Variants in NELL1 observed in about 807,000 individuals in gnomAD.
NELL1 encodes neural EGFL like 1.
NELL1 carries 76 observed loss-of-function variants against 107.4 expected under a neutral mutation model. The ratio of observed to expected loss-of-function variants is 0.71; its 90% CI spans 0.59 to 0.86. The LOEUF is 0.86. Among genes scored for constraint, NELL1 ranks in the 40% least tolerant of loss-of-function variants. The probability of loss-of-function intolerance (pLI) is 0.00; values close to 1 mark genes in which losing one functional copy is unlikely to be tolerated. For missense variants in NELL1, 1,024 were observed against 1,005.5 expected, an observed-to-expected ratio of 1.02 and a Z score of -0.25; for synonymous variants, 353 against 341.2, an observed-to-expected ratio of 1.03 and a Z score of -0.38.
intron 13 of NELL1, among the ~76,000 whole-genome samples, chr11:21,118,544 A>G (rs4922753): frequency 0.71 from 107,605 of 151,958 alleles, 38,295 homozygotes; most frequent in African/African-American, 0.75. Flanking sequence ...CTGTGTAATA[A>G]ATGAGGTGTA....
intron 5 of NELL1, among the ~76,000 whole-genome samples, chr11:20,892,460 T>C (rs776286052): frequency 2.6e-5 from 4 of 152,074 alleles, no homozygotes; most frequent in Non-Finnish European, 5.9e-5. Flanking sequence ...TGTGGAGAAA[T>C]AGGAATCCTT....
At chr11:20,937,953 C>CCTATCCAGGCCAATA in intron 10 of NELL1, 94 bp downstream of exon 10, 3 of 1,184,970 alleles carry the variant, frequency 2.5e-6, no homozygotes, top group Non-Finnish European at 3.8e-6. Flanking sequence ...GCATATTGGC[C>CCTATCCAGGCCAATA]TGGATAGGGC....
In NELL1 at chr11:21,385,035, G is replaced by A. The variant is rs981480381; in HGVS notation, c.1645+14087G>A. 7.3e-5 allele frequency among the ~76,000 whole-genome samples: 11 copies of A among 151,268 alleles called. No homozygotes were observed. In the East Asian group the frequency reaches 7.8e-4, roughly 11 times the overall value. The stretch of plus-strand genomic sequence containing the variant: ...TCTTCCCTCAGATATTTTCACTGTC[G>A]CCTCCCTCCTATGAAAAACGTTTCT... On this transcript the variant is annotated intron_variant, in intron 15 of 19. Transcript: ENST00000357134.
At chr11:20,869,866 T>C (rs1849163892) in intron 4 of NELL1, among the ~76,000 whole-genome samples, 2 of 152,178 alleles carry the variant, frequency 1.3e-5, no homozygotes, top group Non-Finnish European at 2.9e-5. Flanking sequence ...CATACTTTTG[T>C]GTTAGTTAGG....
intron 13 of NELL1, among the ~76,000 whole-genome samples, chr11:21,205,598 C>T (rs983417306): frequency 6.6e-6 from 1 of 152,210 alleles, no homozygotes; most frequent in African/African-American, 2.4e-5. Flanking sequence ...TCCCTGGCTT[C>T]AGCCCCCTTT....
Position 21,427,801 on chromosome 11 carries a change from G to T in NELL1, c.1645+56853G>T, listed in dbSNP as rs76806941. On this transcript the variant is annotated intron_variant, in intron 15 of 19. Coordinates refer to ENST00000357134, the MANE Select transcript of NELL1 (RefSeq NM_006157.5). ...GAAACCCAAGAAGTAAAATAGGTCA[G>T]TTTCTGACTACTGATCTCAGCCACT... is the stretch of plus-strand genomic sequence containing the variant. 0.018 allele frequency among the ~76,000 whole-genome samples: 2,813 copies of T among 152,106 alleles called. 250 individuals are homozygous for T. The East Asian group carries it at 0.27, about 15-fold the overall frequency.
chr11:21,069,998 A>G (rs561441439), intron 12 of NELL1, among the ~76,000 whole-genome samples: 17 of 152,356 alleles, frequency 1.1e-4, no homozygotes, highest in African/African-American at 3.8e-4. Context: ...ACGCTCATAG[A>G]TAATAATGAT....
chr11:21,034,125 G>T (rs1028223194), intron 12 of NELL1, among the ~76,000 whole-genome samples: 2 of 151,964 alleles, frequency 1.3e-5, no homozygotes, highest in Admixed American at 1.3e-4. Flanking sequence ...GTTGCCTTGC[G>T]GGTTTTTATA....
At chr11:21,436,627 A>C (rs75273874) in intron 15 of NELL1, among the ~76,000 whole-genome samples, 2,431 of 152,150 alleles carry the variant, frequency 0.016, 65 homozygotes, top group African/African-American at 0.055. Context: ...TTAAGTATCT[A>C]TTTAGTTTAT....
chr11:21,440,621 T>C (rs1853258606), intron 15 of NELL1, among the ~76,000 whole-genome samples: 1 of 152,200 alleles, frequency 6.6e-6, no homozygotes, highest in African/African-American at 2.4e-5. Flanking sequence ...TACTACCTAC[T>C]GAAGGAGCGT....
At chr11:20,797,043 AG>A (rs1857183532) in intron 3 of NELL1, among the ~76,000 whole-genome samples, 3 of 152,194 alleles carry the variant, frequency 2.0e-5, no homozygotes, top group Admixed American at 2.0e-4. Flanking sequence ...GGTAAGGAAG[AG>A]GCAAGGTGTG....
At chr11:20,864,666 C>T (rs1237644966) in intron 4 of NELL1, among the ~76,000 whole-genome samples, 1 of 152,240 alleles carries the variant, frequency 6.6e-6, no homozygotes, top group Non-Finnish European at 1.5e-5. Flanking sequence ...CTGCTGCCTT[C>T]TCAAAGGCCC....
intron 15 of NELL1, among the ~76,000 whole-genome samples, chr11:21,451,799 C>T (rs997992903): frequency 6.6e-6 from 1 of 152,052 alleles, no homozygotes; most frequent in Non-Finnish European, 1.5e-5. Context: ...TTAAAAGTTA[C>T]TTAATTACCC....
In NELL1 at chr11:21,027,992, A is replaced by G. The variant is rs182030334; in HGVS notation, c.1300+67432A>G. Among the ~76,000 whole-genome samples the G allele has an allele frequency of 2.5e-3, 382 of 152,240 alleles. 1 individual carries two copies. Among genetic ancestry groups the G allele is most frequent in the Middle Eastern group, 0.014 (4 of 294 alleles). ...TAACTCATGCACACATTTTATAAAA[A>G]GTTAGGTGTATTCAAGTCTGCAGCA... is the stretch of plus-strand genomic sequence containing the variant. On this transcript the variant is annotated intron_variant, in intron 12 of 19. Coordinates refer to ENST00000357134, the MANE Select transcript of NELL1 (RefSeq NM_006157.5).
chr11:21,228,970 T>C (rs569367076), intron 13 of NELL1, among the ~76,000 whole-genome samples: 1 of 151,852 alleles, frequency 6.6e-6, no homozygotes, highest in South Asian at 2.1e-4. Context: ...CTCTGACATA[T>C]CAAATGTTTG....
At chr11:21,571,059 C>T (rs540362010) in intron 18 of NELL1, 119 bp downstream of exon 18, 2 of 841,472 alleles carry the variant, frequency 2.4e-6, no homozygotes, top group African/African-American at 3.5e-5. Flanking sequence ...CTCTGTGGGG[C>T]CTGTGGCTAA....
At chr11:21,216,940 A>T (rs2054021) in intron 13 of NELL1, among the ~76,000 whole-genome samples, 85,450 of 151,840 alleles carry the variant, frequency 0.56, 24,113 homozygotes, top group East Asian at 0.61. Flanking sequence ...GAGCAGAATG[A>T]TATGGTTTGG....
chr11:21,431,552 G>A (rs1852965776), intron 15 of NELL1, among the ~76,000 whole-genome samples: 1 of 152,224 alleles, frequency 6.6e-6, no homozygotes, highest in African/African-American at 2.4e-5. Flanking sequence ...TAAGATAGGA[G>A]TTAAAATTTT....
chr11:21,278,229 A>T (rs970327372), intron 14 of NELL1, among the ~76,000 whole-genome samples: 1 of 152,212 alleles, frequency 6.6e-6, no homozygotes, highest in African/African-American at 2.4e-5. Context: ...AATTAGGAAG[A>T]AGGCAAGTAT....
Sources: allele counts gnomAD v4.1 joint callset (sites outside exome capture counted in the v4.1 genomes callset), GRCh38; gene constraint gnomAD v4.1.1; transcripts MANE v1.5; gene names NCBI Gene and HGNC (gene_info 2026-07-23, HGNC 2026-07-21).